Variants in NFIA observed in about 807,000 individuals in gnomAD.
NFIA encodes the protein nuclear factor I A, also known as nuclear factor 1 A-type.
A neutral mutation model predicts 62.8 loss-of-function variants in NFIA; 8 were observed. The ratio of observed to expected loss-of-function variants is 0.13; its 90% CI spans 0.07 to 0.23. NFIA has a LOEUF of 0.23. Ranked by LOEUF, NFIA falls within the 10% of genes least tolerant of loss-of-function variation. NFIA has a pLI of 1.00. For synonymous variants in NFIA, 235 were observed against 238.1 expected (o/e 0.99, Z 0.12); for missense variants, 410 against 642.1 (o/e 0.64, Z 3.91).
chr1:61,280,507 G>C, intron 3 of NFIA, among the ~76,000 whole-genome samples: 1 of 152,066 alleles, frequency 6.6e-6, no homozygotes, highest in East Asian at 1.9e-4. Context: ...TTTTATCCTA[G>C]CTCTTGAGAA....
chr1:61,096,415 G>C (rs1646414106), intron 2 of NFIA, among the ~76,000 whole-genome samples: 1 of 151,976 alleles, frequency 6.6e-6, no homozygotes, highest in African/African-American at 2.4e-5. Flanking sequence ...TGTTGGTCAG[G>C]CTGGTCTCGA....
intron 2 of NFIA, among the ~76,000 whole-genome samples, chr1:61,203,452 CT>C (rs1216580663): frequency 6.6e-6 from 1 of 152,162 alleles, no homozygotes; most frequent in East Asian, 1.9e-4. Flanking sequence ...CTGTGCCCTC[CT>C]CCCCCTTTTC....
intron 2 of NFIA, among the ~76,000 whole-genome samples, chr1:61,247,184 A>G (rs1032954738): frequency 6.6e-6 from 1 of 152,212 alleles, no homozygotes; most frequent in African/African-American, 2.4e-5. Context: ...CAACTCCCAA[A>G]GTTACAACTC....
chr1:61,449,929 C>T (rs1007444901), intron 10 of NFIA, among the ~76,000 whole-genome samples: 3 of 152,184 alleles, frequency 2.0e-5, no homozygotes, highest in Non-Finnish European at 4.4e-5. Flanking sequence ...CTGGTCCTCA[C>T]AAGACTCTGA....
At chr1:61,298,279 C>T (rs980242532) in intron 3 of NFIA, among the ~76,000 whole-genome samples, 1 of 152,138 alleles carries the variant, frequency 6.6e-6, no homozygotes, top group Non-Finnish European at 1.5e-5. Flanking sequence ...GTCTGCTTCC[C>T]CTTCAACCAG....
intron 2 of NFIA, among the ~76,000 whole-genome samples, chr1:61,179,288 CAAGT>C (rs1207158703): frequency 1.3e-5 from 2 of 152,148 alleles, no homozygotes; most frequent in Non-Finnish European, 2.9e-5. Context: ...CTTGTATAAA[CAAGT>C]GAGACAGGAG....
chr1:61,129,169 G>T (rs1397035268), intron 2 of NFIA, among the ~76,000 whole-genome samples: 3 of 151,876 alleles, frequency 2.0e-5, no homozygotes, highest in Non-Finnish European at 4.4e-5. Flanking sequence ...TGATCCGTTC[G>T]CCTCGGCCTC....
intron 3 of NFIA, among the ~76,000 whole-genome samples, chr1:61,308,575 C>G (rs1659927064): frequency 2.0e-5 from 3 of 152,132 alleles, no homozygotes; most frequent in Non-Finnish European, 4.4e-5. Context: ...AAAGGCAAAC[C>G]ATGGTACAGT....
intron 6 of NFIA, 118 bp downstream of exon 6, chr1:61,359,392 G>C: frequency 3.5e-6 from 5 of 1,414,324 alleles, no homozygotes; most frequent in Non-Finnish European, 4.8e-6. Flanking sequence ...ACTTTTTCAG[G>C]ATGAGCACTT....
intron 2 of NFIA, among the ~76,000 whole-genome samples, chr1:61,271,766 A>G (rs995703577): frequency 2.6e-5 from 4 of 152,236 alleles, no homozygotes; most frequent in African/African-American, 9.6e-5. Flanking sequence ...CTCTGCATAC[A>G]TTAATTACTG....
rs1373055889 is a variant in NFIA at position 61,461,717 on chromosome 1, C to T, written c.*6397C>T. ...TGTAGATGCATTCGCCTATTTGATT[C>T]AGAAAAATAAACTTTCCCAAAATGT... On this transcript the variant is annotated 3_prime_UTR_variant, in exon 11 of 11. Coordinates refer to ENST00000403491, the MANE Select transcript of NFIA (RefSeq NM_001134673.4). The T allele has an allele frequency of 6.6e-6, 1 of 152,152 alleles. No individual in the cohort carries two copies. Among genetic ancestry groups the T allele is most frequent in the African/African-American group, 2.4e-5 (1 of 41,428 alleles). 9.4% of individuals were successfully genotyped at this position (152,152 alleles called of 1,614,324 possible). A position where few individuals can be genotyped will look rare whatever the true frequency, so the allele number is the denominator to read the frequency against.
intron 2 of NFIA, among the ~76,000 whole-genome samples, chr1:61,258,946 C>A (rs529056156): frequency 2.0e-5 from 3 of 152,162 alleles, no homozygotes; most frequent in Admixed American, 1.3e-4. Context: ...GTCTCGAACT[C>A]CTGAGCTCAA....
intron 5 of NFIA, among the ~76,000 whole-genome samples, chr1:61,353,326 G>A (rs1437751118): frequency 2.0e-5 from 3 of 152,168 alleles, no homozygotes; most frequent in African/African-American, 7.2e-5. Context: ...ACCTGATAAT[G>A]ATTCTGGGGT....
At chr1:61,094,118 G>C (rs1327343085) in intron 2 of NFIA, among the ~76,000 whole-genome samples, 2 of 152,206 alleles carry the variant, frequency 1.3e-5, no homozygotes, top group African/African-American at 4.8e-5. Context: ...TGAGTTCAGT[G>C]AATGTGCTAA....
intron 2 of NFIA, among the ~76,000 whole-genome samples, chr1:61,257,861 G>GTTTTTTTT (rs58077067): frequency 1.7e-4 from 22 of 126,372 alleles, no homozygotes; most frequent in Middle Eastern, 4.3e-3. Flanking sequence ...ATGCTTAGCT[G>GTTTTTTTT]TTTTTTTTTT....
chr1:61,392,899 T>G (rs1452455124), intron 7 of NFIA, among the ~76,000 whole-genome samples: 1 of 152,132 alleles, frequency 6.6e-6, no homozygotes, highest in African/African-American at 2.4e-5. Flanking sequence ...TTTGCCCCTT[T>G]CTCTCTGTCC....
chr1:61,137,122 C>T (rs970113086), intron 2 of NFIA, among the ~76,000 whole-genome samples: 2 of 152,094 alleles, frequency 1.3e-5, no homozygotes, highest in African/African-American at 4.8e-5. Context: ...AAAATGCTAG[C>T]GGACAGAAAC....
In NFIA at chr1:61,406,675, A is replaced by G. The variant is rs767546128; in HGVS notation, c.1368A>G (p.Thr456=). Residue 456 remains threonine (T), a synonymous_variant, in exon 9 of 11, where the codon ACA becomes ACG. Transcript: ENST00000403491. ...CTGTGCCTCTGCCGGTGCCAGACAC[A>G]AAGCCTCCAACCACGTCAACAGAAG... is the stretch of plus-strand genomic sequence containing the variant. The part of the protein sequence containing the change: ...ARPVPLPVPD[T]KPPTTSTEGG... 4 of 1,612,988 alleles carry G rather than the reference A, an allele frequency of 2.5e-6. No homozygotes were observed. The highest frequency in any genetic ancestry group is 1.7e-6 in the Non-Finnish European group (2 of 1,179,638).
intron 2 of NFIA, among the ~76,000 whole-genome samples, chr1:61,259,893 G>A (rs1656649731): frequency 6.6e-6 from 1 of 152,218 alleles, no homozygotes; most frequent in African/African-American, 2.4e-5. Flanking sequence ...GTTGAGAAGA[G>A]TAGAATGGGT....
Sources: gnomAD v4.1 joint callset for allele counts (sites outside exome capture counted in the v4.1 genomes callset) on GRCh38, gnomAD v4.1.1 for gene constraint, MANE v1.5 for transcripts, NCBI Gene and HGNC (gene_info 2026-07-23, HGNC 2026-07-21) for gene names.